Variants in CTTNBP2NL observed in about 807,000 individuals in gnomAD.
CTTNBP2NL encodes CTTNBP2 N-terminal like, also known as CTTNBP2 N-terminal-like protein.
A neutral mutation model predicts 32.5 loss-of-function variants in CTTNBP2NL; 16 were observed. The observed-to-expected ratio is 0.49, with a 90% CI of 0.33 to 0.75. The LOEUF (loss-of-function observed/expected upper bound fraction) is 0.75. Ranked by LOEUF, CTTNBP2NL falls within the 30% of genes least tolerant of loss-of-function variation. The pLI is 0.02. For missense variants in CTTNBP2NL, 645 were observed against 756.0 expected (o/e 0.85, Z 1.72); for synonymous variants, 298 against 289.4 (o/e 1.03, Z -0.30).
chr1:112,393,136 G>A (rs1237506989), upstream of CTTNBP2NL, among the ~76,000 whole-genome samples: 1 of 152,116 alleles, frequency 6.6e-6, no homozygotes, highest in East Asian at 1.9e-4. Flanking sequence ...AGGATTACAG[G>A]AGTGAGCCAC....
intron 3 of CTTNBP2NL, among the ~76,000 whole-genome samples, chr1:112,432,273 C>T (rs995077845): frequency 1.3e-5 from 2 of 151,930 alleles, no homozygotes; most frequent in African/African-American, 4.8e-5. Flanking sequence ...CAGGGTTTCA[C>T]CGTGGTCTCG....
chr1:112,454,407 C>G, intron 4 of CTTNBP2NL, 42 bp from the exon 5 acceptor site: 1 of 1,437,592 alleles, frequency 7.0e-7, no homozygotes, highest in Non-Finnish European at 9.8e-7. Context: ...ATAAATGTGA[C>G]TCCTTGATAT....
intron 1 of CTTNBP2NL, among the ~76,000 whole-genome samples, chr1:112,397,452 A>G (rs1322463046): frequency 1.3e-5 from 2 of 152,202 alleles, no homozygotes; most frequent in East Asian, 1.9e-4. Context: ...GGAAACATTC[A>G]TGTATATTTT....
upstream of CTTNBP2NL, among the ~76,000 whole-genome samples, chr1:112,394,498 C>A (rs1376398442): frequency 6.6e-6 from 1 of 152,160 alleles, no homozygotes; most frequent in African/African-American, 2.4e-5. Flanking sequence ...CTGTGCCTGG[C>A]CCCTCATTTT....
intron 3 of CTTNBP2NL, among the ~76,000 whole-genome samples, 178 bp downstream of exon 3, chr1:112,416,442 TTC>T (rs1043386677): frequency 6.6e-6 from 1 of 152,118 alleles, no homozygotes; most frequent in Non-Finnish European, 1.5e-5. Flanking sequence ...GGTGAAACCT[TTC>T]TGTTTTCAAA....
intron 1 of CTTNBP2NL, among the ~76,000 whole-genome samples, chr1:112,401,526 C>T (rs1248143625): frequency 6.6e-6 from 1 of 152,082 alleles, no homozygotes; most frequent in African/African-American, 2.4e-5. Context: ...AGAGTTATAC[C>T]TTCTGTGAAA....
At chr1:112,432,626 A>T (rs1340957477) in intron 3 of CTTNBP2NL, among the ~76,000 whole-genome samples, 2 of 150,934 alleles carry the variant, frequency 1.3e-5, no homozygotes, top group Non-Finnish European at 1.5e-5. Flanking sequence ...TCTTATCTTT[A>T]CCCTGTTTCT....
intron 1 of CTTNBP2NL, among the ~76,000 whole-genome samples, chr1:112,411,517 T>A (rs1648865177): frequency 6.6e-6 from 1 of 152,092 alleles, no homozygotes; most frequent in Admixed American, 6.6e-5. Context: ...TGTCTACAAG[T>A]GGTTTTTATT....
At chr1:112,404,207 G>A (rs1226243174) in intron 1 of CTTNBP2NL, among the ~76,000 whole-genome samples, 2 of 152,158 alleles carry the variant, frequency 1.3e-5, no homozygotes, top group Admixed American at 1.3e-4. Flanking sequence ...CAGAATTACT[G>A]TCCCTGAAGA....
chr1:112,440,250 T>G (rs1253144190), intron 3 of CTTNBP2NL, among the ~76,000 whole-genome samples: 1 of 152,256 alleles, frequency 6.6e-6, no homozygotes, highest in African/African-American at 2.4e-5. Flanking sequence ...TTGTTTATTT[T>G]TTGTTACATT....
At chr1:112,450,113 A>G (rs1313577590) in intron 4 of CTTNBP2NL, among the ~76,000 whole-genome samples, 1 of 152,218 alleles carries the variant, frequency 6.6e-6, no homozygotes, top group East Asian at 1.9e-4. Flanking sequence ...AGCAGCTGCA[A>G]AATTTGGTGG....
chr1:112,391,594 T>C (rs370654130), upstream of CTTNBP2NL, among the ~76,000 whole-genome samples: 19 of 152,330 alleles, frequency 1.2e-4, no homozygotes, highest in South Asian at 3.9e-3. Flanking sequence ...TTATCTCATT[T>C]AACAAATGAG....
At position 112,457,447 on chromosome 1, in the gene CTTNBP2NL, T is replaced by C. The variant is rs766038451; in HGVS notation, c.*35T>C. 3.2e-6 allele frequency: 5 copies of C among 1,548,934 alleles called. No individual in the cohort carries two copies. The highest frequency in any genetic ancestry group is 4.4e-6 in the Non-Finnish European group (5 of 1,146,848). On this transcript the variant is annotated 3_prime_UTR_variant, in exon 6 of 6. Transcript: ENST00000271277. ...GGGAGTCTCCACGTTTGACATTCCA[T>C]CAGATTTCGTCCAAAAGCTCAGTCA... is the stretch of plus-strand genomic sequence containing the variant.
At chr1:112,454,209 T>C (rs1650303570) in intron 4 of CTTNBP2NL, among the ~76,000 whole-genome samples, 1 of 152,220 alleles carries the variant, frequency 6.6e-6, no homozygotes, top group Non-Finnish European at 1.5e-5. Context: ...TCTCTCTGTT[T>C]GCATATCATT....
intron 3 of CTTNBP2NL, among the ~76,000 whole-genome samples, chr1:112,431,458 T>C (rs974481061): frequency 6.6e-6 from 1 of 152,260 alleles, no homozygotes; most frequent in African/African-American, 2.4e-5. Context: ...GTATGTTTGC[T>C]GAAAATATTT....
In CTTNBP2NL at chr1:112,408,587, T is replaced by C. The variant is rs538250597; in HGVS notation, c.-133-3607T>C. On this transcript the variant is annotated intron_variant, in intron 1 of 5. Transcript: ENST00000271277. ...TTAATTTTTTTTTAAGGAGCAACCC[T>C]ATTAACTGAAGCTTTGAATGCATTT... is the stretch of plus-strand genomic sequence containing the variant. Among the ~76,000 whole-genome samples, 10 of 152,326 alleles carry C rather than the reference T, an allele frequency of 6.6e-5. No homozygotes were observed. In the South Asian group the frequency reaches 1.7e-3, roughly 25 times the overall value.
rs970727827 is a variant in CTTNBP2NL, at chr1:112,455,872, G to A, written c.439-59G>A. 72 of 1,278,992 alleles carry A rather than the reference G, an allele frequency of 5.6e-5. No homozygotes were observed. In the Admixed American group the frequency reaches 7.5e-4, roughly 13 times the overall value. The allele number at this position is 1,278,992 out of a possible 1,614,324, so 79.2% of individuals were successfully genotyped here. ...TCCTGTATACCAGAGAACAGCTAAC[G>A]AAGACAGTCTACTTGATCACAGTTT... is the stretch of plus-strand genomic sequence containing the variant. On this transcript the variant is annotated intron_variant, in intron 5 of 5. Coordinates refer to ENST00000271277, the MANE Select transcript of CTTNBP2NL (RefSeq NM_018704.3).
At chr1:112,404,492 C>T (rs935713375) in intron 1 of CTTNBP2NL, among the ~76,000 whole-genome samples, 6 of 152,162 alleles carry the variant, frequency 3.9e-5, no homozygotes, top group African/African-American at 4.8e-5. Flanking sequence ...GAATCAATGA[C>T]GTCATCATCC....
chr1:112,448,478 C>T (rs770059269), intron 3 of CTTNBP2NL, among the ~76,000 whole-genome samples: 3 of 151,916 alleles, frequency 2.0e-5, no homozygotes, highest in African/African-American at 4.8e-5. Flanking sequence ...TACCATAACA[C>T]GGAAAAAAAT....
Sources: allele counts gnomAD v4.1 joint callset (sites outside exome capture counted in the v4.1 genomes callset), GRCh38; gene constraint gnomAD v4.1.1; transcripts MANE v1.5; gene names NCBI Gene and HGNC (gene_info 2026-07-23, HGNC 2026-07-21).